The following PSMA6 variants were observed in gnomAD, a reference collection of about 807,000 sequenced individuals.
The protein encoded by PSMA6 is proteasome 20S subunit alpha 6.
For synonymous variants in PSMA6, 88 were observed against 97.7 expected (o/e 0.90, Z 0.59); for missense variants, 170 against 294.8 (o/e 0.58, Z 3.10).
At chr14:35,278,895 C>T (rs1255107710) in intron 1 of PSMA6, among the ~76,000 whole-genome samples, 7 of 151,802 alleles carry the variant, frequency 4.6e-5, no homozygotes, top group Non-Finnish European at 8.8e-5. Context: ...AGTTGTTGTA[C>T]GTATATATTT....
chr14:35,312,192 C>T (rs984984383), intron 4 of PSMA6, among the ~76,000 whole-genome samples: 6 of 117,186 alleles, frequency 5.1e-5, no homozygotes, highest in East Asian at 2.5e-4. Context: ...AGCGAGTCCT[C>T]GTCTCCTAAA....
chr14:35,297,850 T>G (rs1249587955), intron 1 of PSMA6, among the ~76,000 whole-genome samples: 1 of 152,182 alleles, frequency 6.6e-6, no homozygotes, highest in African/African-American at 2.4e-5. Flanking sequence ...GCCACTGTAT[T>G]TTTCTAGTAT....
At chr14:35,297,246 C>T (rs956389745) in intron 1 of PSMA6, among the ~76,000 whole-genome samples, 3 of 147,964 alleles carry the variant, frequency 2.0e-5, no homozygotes, top group Non-Finnish European at 3.0e-5. Flanking sequence ...GATTGAGTCT[C>T]GCTCTGTCAC....
intron 6 of PSMA6, chr14:35,315,614 T>G (rs1486966393): frequency 1.3e-5 from 2 of 151,934 alleles, no homozygotes; most frequent in Admixed American, 6.6e-5. Flanking sequence ...ATCCTAGCTT[T>G]TCTTCCCGTA....
rs138743825 is a variant in PSMA6 at position 35,306,937 on chromosome 14, A to G, written c.77-1057A>G. Among the ~76,000 whole-genome samples the G allele has an allele frequency of 1.8e-3, 278 of 152,288 alleles. 2 individuals are homozygous for G. The highest frequency in any genetic ancestry group is 0.017 in the Middle Eastern group (5 of 294). ...CGAGGTGGGTGGATCACCTGAGGTC[A>G]GGAGTTCGGCACCAGCCTGGCCAAC... On this transcript the variant is annotated intron_variant, in intron 1 of 6. Transcript: ENST00000261479.
upstream of PSMA6, among the ~76,000 whole-genome samples, chr14:35,290,609 T>C (rs1313038041): frequency 6.6e-6 from 1 of 152,238 alleles, no homozygotes; most frequent in Non-Finnish European, 1.5e-5. Flanking sequence ...AATAGAAAGT[T>C]AGTTTAGGAA....
upstream of PSMA6, among the ~76,000 whole-genome samples, chr14:35,292,042 A>T (rs968816443): frequency 1.3e-5 from 2 of 152,210 alleles, no homozygotes; most frequent in Non-Finnish European, 2.9e-5. Flanking sequence ...AAGGCAAGCC[A>T]GCAGTCTGAC....
chr14:35,295,772 A>T (rs2051575175), intron 1 of PSMA6, among the ~76,000 whole-genome samples: 1 of 152,186 alleles, frequency 6.6e-6, no homozygotes, highest in South Asian at 2.1e-4. Flanking sequence ...CTCTTAATGT[A>T]CATATGCAGG....
rs949513204 is a variant in PSMA6 at position 35,292,615 on chromosome 14, C to G, written c.76+63C>G. On this transcript the variant is annotated intron_variant, in intron 1 of 6. Coordinates refer to ENST00000261479, the MANE Select transcript of PSMA6 (RefSeq NM_002791.3). ...GCCCTGTCATGGTACGTGCCTGGAGCGAGCAGACGCGGCCCGGGTTTAGTC... is the reference window on the plus strand; with the variant it reads ...GCCCTGTCATGGTACGTGCCTGGAGGGAGCAGACGCGGCCCGGGTTTAGTC... 6 of 1,578,678 alleles carry G rather than the reference C, an allele frequency of 3.8e-6. No homozygotes were observed. The Admixed American group carries it at 7.4e-5, about 20-fold the overall frequency.
intron 5 of PSMA6, 43 bp from the exon 6 acceptor site, chr14:35,314,318 C>G (rs2051998162): frequency 6.6e-7 from 1 of 1,506,902 alleles, no homozygotes; most frequent in African/African-American, 1.4e-5. Context: ...ACCTTGGAAT[C>G]TCTAAAAAAT....
At chr14:35,292,320 C>G (rs545581291), upstream of PSMA6, 6 of 1,465,078 alleles carry the variant, frequency 4.1e-6, no homozygotes, top group Non-Finnish European at 4.5e-6. Flanking sequence ...GCTCAGTGCT[C>G]GAACTGGCTC....
chr14:35,317,147 A>G, intron 6 of PSMA6, 102 bp from the exon 7 acceptor site: 1 of 787,310 alleles, frequency 1.3e-6, no homozygotes, highest in Non-Finnish European at 2.2e-6. Flanking sequence ...TTGTTAAAGT[A>G]GGTTGATAGG....
intron 1 of PSMA6, among the ~76,000 whole-genome samples, chr14:35,294,446 A>G (rs2051544053): frequency 6.6e-6 from 1 of 152,240 alleles, no homozygotes; most frequent in Admixed American, 6.5e-5. Flanking sequence ...AGCAAGCAGT[A>G]TAGTGAAGAG....
In PSMA6 at chr14:35,317,241, C is replaced by G; in HGVS notation, c.684-8C>G. On this transcript the variant is annotated splice_region_variant and splice_polypyrimidine_tract_variant and intron_variant, in intron 6 of 6. Transcript: ENST00000261479. The stretch of plus-strand genomic sequence containing the variant: ...AATCGTTGTTTTTTTCCCCCTTTTG[C>G]CTTCTAGGATTCTTACAGAAGCAGA... 1 of 1,611,692 alleles carries G rather than the reference C, an allele frequency of 6.2e-7. No homozygotes were observed. Among genetic ancestry groups the G allele is most frequent in the South Asian group, 1.1e-5 (1 of 90,982 alleles).
intron 4 of PSMA6, among the ~76,000 whole-genome samples, chr14:35,311,692 A>C (rs1441769370): frequency 3.3e-5 from 5 of 152,200 alleles, no homozygotes; most frequent in Non-Finnish European, 7.3e-5. Context: ...AAAGAAATTT[A>C]ATGATGGTGT....
intron 1 of PSMA6, among the ~76,000 whole-genome samples, chr14:35,296,812 AT>A (rs1488348408): frequency 6.6e-6 from 1 of 152,172 alleles, no homozygotes; most frequent in East Asian, 1.9e-4. Context: ...TTTGAATCTG[AT>A]TTGAAATTCA....
intron 1 of PSMA6, among the ~76,000 whole-genome samples, chr14:35,280,915 A>G (rs925973759): frequency 1.3e-5 from 2 of 152,150 alleles, no homozygotes; most frequent in African/African-American, 4.8e-5. Flanking sequence ...TTGGCTCCCT[A>G]TGAGATGGCC....
intron 1 of PSMA6, among the ~76,000 whole-genome samples, chr14:35,286,592 T>TTTTTA (rs2051424476): frequency 1.3e-5 from 2 of 152,236 alleles, no homozygotes; most frequent in African/African-American, 4.8e-5. Context: ...AAAACAAGGG[T>TTTTTA]GAACTGAAAA....
intron 6 of PSMA6, 153 bp from the exon 7 acceptor site, chr14:35,317,096 G>A (rs543519828): frequency 2.0e-5 from 12 of 592,244 alleles, no homozygotes; most frequent in Middle Eastern, 3.0e-4. Flanking sequence ...GAAGATAAGT[G>A]TGTGTATAGA....
Sources: gnomAD v4.1 joint callset for allele counts (sites outside exome capture counted in the v4.1 genomes callset) on GRCh38, gnomAD v4.1.1 for gene constraint, MANE v1.5 for transcripts, NCBI Gene and HGNC (gene_info 2026-07-23, HGNC 2026-07-21) for gene names.